Variants in MTSS1 observed in about 807,000 individuals in gnomAD.
The protein encoded by MTSS1 is MTSS I-BAR domain containing 1, also known as protein MTSS 1.
MTSS1 carries 18 observed loss-of-function variants against 79.0 expected under a neutral mutation model. That is an observed-to-expected ratio of 0.23 (90% CI 0.16 to 0.34). MTSS1 has a LOEUF of 0.34. MTSS1 is among the 10% of genes least tolerant of loss of function. The pLI, the probability that MTSS1 is intolerant of heterozygous loss-of-function variation, is 1.00. For synonymous variants in MTSS1, 341 were observed against 368.6 expected (o/e 0.93, Z 0.86); for missense variants, 815 against 986.2 (o/e 0.83, Z 2.33).
At chr8:124,572,882 G>C (rs1828129935) in intron 6 of MTSS1, among the ~76,000 whole-genome samples, 1 of 134,800 alleles carries the variant, frequency 7.4e-6, no homozygotes. Flanking sequence ...AAGTAGCTGG[G>C]ATTACAGGCA....
rs567758062 is a variant in MTSS1 at position 124,716,164 on chromosome 8, C to T, written c.72+11720G>A. On this transcript the variant is annotated intron_variant, in intron 1 of 13. Coordinates refer to ENST00000518547, the MANE Select transcript of MTSS1 (RefSeq NM_014751.6). ...GATGTGGAACTGCAGATCCCAAAGCCCCAAGGGCAGCATACTCGAGATATA... is the reference window on the plus strand; with the variant it reads ...GATGTGGAACTGCAGATCCCAAAGCTCCAAGGGCAGCATACTCGAGATATA... Among the ~76,000 whole-genome samples the T allele has an allele frequency of 1.4e-3, 202 of 145,162 alleles. 1 individual carries two copies. The highest frequency in any genetic ancestry group is 2.4e-3 in the Admixed American group (36 of 14,906).
At chr8:124,606,352 T>G (rs902824848) in intron 3 of MTSS1, among the ~76,000 whole-genome samples, 1 of 152,028 alleles carries the variant, frequency 6.6e-6, no homozygotes, top group Non-Finnish European at 1.5e-5. Context: ...TTTCACCGTG[T>G]TGGCCAGGCT....
intron 3 of MTSS1, among the ~76,000 whole-genome samples, chr8:124,661,764 T>C (rs1024522125): frequency 3.9e-5 from 6 of 152,290 alleles, no homozygotes; most frequent in Non-Finnish European, 8.8e-5. Flanking sequence ...TTCCCCTCTT[T>C]CCCACAACTC....
At chr8:124,678,413 G>A (rs556159732) in intron 3 of MTSS1, among the ~76,000 whole-genome samples, 14 of 152,262 alleles carry the variant, frequency 9.2e-5, no homozygotes, top group African/African-American at 3.4e-4. Flanking sequence ...AGAAATACCC[G>A]AGACTGGGTA....
chr8:124,627,895 G>C (rs916135643), intron 3 of MTSS1, among the ~76,000 whole-genome samples: 1 of 152,204 alleles, frequency 6.6e-6, no homozygotes, highest in Non-Finnish European at 1.5e-5. Context: ...GACTGGTCGC[G>C]GTGGCTCACG....
rs748461204 is a variant in MTSS1, at chr8:124,556,338, C to T, written c.1298G>A (p.Arg433Gln). 45 of 1,614,084 alleles carry T rather than the reference C, an allele frequency of 2.8e-5. No individual in the cohort carries two copies. Among genetic ancestry groups the T allele is most frequent in the African/African-American group, 6.7e-5 (5 of 74,952 alleles). Reference sequence around the variant, plus strand: ...TCCTCCCCCGTTGGGGTCCGGTTCTCGCTTCTCTTTGCGGCGCTGCAGGGT... The same window carrying T: ...TCCTCCCCCGTTGGGGTCCGGTTCTTGCTTCTCTTTGCGGCGCTGCAGGGT... ...VNTLQRRKEK[R>Q]EPDPNGGGPT... Residue 433 changes from arginine to glutamine, a missense_variant, in exon 12 of 14, where the codon CGA (arginine) becomes CAA (glutamine). Arg to Gln is a conservative substitution (Grantham distance 43, BLOSUM62 1). Transcript: ENST00000518547.
intron 3 of MTSS1, among the ~76,000 whole-genome samples, chr8:124,654,720 G>A (rs1000639204): frequency 7.9e-5 from 12 of 152,274 alleles, no homozygotes; most frequent in Middle Eastern, 3.4e-3. Flanking sequence ...AAGGGAGGGT[G>A]TAACTCACAT....
intron 3 of MTSS1, among the ~76,000 whole-genome samples, chr8:124,645,835 G>C (rs1365749780): frequency 6.6e-6 from 1 of 152,078 alleles, no homozygotes; most frequent in African/African-American, 2.4e-5. Flanking sequence ...CCCTCGCCCA[G>C]CTTCCTCGGC....
intron 3 of MTSS1, among the ~76,000 whole-genome samples, chr8:124,692,638 G>A (rs1828139008): frequency 6.6e-6 from 1 of 152,152 alleles, no homozygotes; most frequent in South Asian, 2.1e-4. Context: ...CCATGAAGCA[G>A]GGTGAGTGCC....
Position 124,660,431 on chromosome 8 carries a change from T to C in MTSS1, c.208+39095A>G, listed in dbSNP as rs866835145. Among the ~76,000 whole-genome samples the C allele has an allele frequency of 7.5e-3, 536 of 71,674 alleles. 3 individuals are homozygous for C. Among genetic ancestry groups the C allele is most frequent in the African/African-American group, 0.027 (503 of 18,634 alleles). 47.0% of individuals were successfully genotyped at this position (71,674 alleles called of 152,430 possible). ...GTATTTAGAAAGTTGCCCATGCGCATGCACACACACACACACACACACACA... is the reference window on the plus strand; with the variant it reads ...GTATTTAGAAAGTTGCCCATGCGCACGCACACACACACACACACACACACA... On this transcript the variant is annotated intron_variant, in intron 3 of 13. Coordinates refer to ENST00000518547, the MANE Select transcript of MTSS1 (RefSeq NM_014751.6).
At chr8:124,641,559 T>C (rs1818057314) in intron 3 of MTSS1, among the ~76,000 whole-genome samples, 2 of 152,210 alleles carry the variant, frequency 1.3e-5, no homozygotes, top group South Asian at 4.1e-4. Flanking sequence ...AAACGGGCTC[T>C]TTACCTGATT....
rs78968065 is a variant in MTSS1, at chr8:124,667,995, G to A, written c.208+31531C>T. Among the ~76,000 whole-genome samples, 810 of 152,084 alleles carry A rather than the reference G, an allele frequency of 5.3e-3. 9 individuals are homozygous for A. The highest frequency in any genetic ancestry group is 0.018 in the African/African-American group (751 of 41,468). On this transcript the variant is annotated intron_variant, in intron 3 of 13. Transcript: ENST00000518547. ...AGGGGTCTGGGGGACCACTGAGGTG[G>A]GAAGATCACCTGAGTTCAGAGGGTC...
At chr8:124,677,537 T>A (rs1825506303) in intron 3 of MTSS1, among the ~76,000 whole-genome samples, 1 of 152,218 alleles carries the variant, frequency 6.6e-6, no homozygotes, top group Non-Finnish European at 1.5e-5. Flanking sequence ...AAAACATTAC[T>A]GTTTTCATTT....
chr8:124,582,002 C>T lies in MTSS1; in HGVS notation c.460+3085G>A, dbSNP rs532977640. ...GTTCAGAGCCTGGGGTTACTGGGTC[C>T]GCTCCACACCATCTCCCCAGCATCC... On this transcript the variant is annotated intron_variant, in intron 6 of 13. Coordinates refer to ENST00000518547, the MANE Select transcript of MTSS1 (RefSeq NM_014751.6). This position sits in a 1 kb window ranked among gnomAD's most constrained non-coding sequence, Gnocchi z 4.8. 2.4e-3 allele frequency among the ~76,000 whole-genome samples: 363 copies of T among 152,104 alleles called. 2 individuals are homozygous for T. The highest frequency in any genetic ancestry group is 3.9e-3 in the Non-Finnish European group (262 of 68,014).
chr8:124,709,112 GA>G (rs1334375629), intron 1 of MTSS1, among the ~76,000 whole-genome samples: 1 of 152,138 alleles, frequency 6.6e-6, no homozygotes, highest in African/African-American at 2.4e-5. Context: ...AAGGTAACTA[GA>G]AAGATTGAAA....
At chr8:124,571,116 C>G (rs1345308891) in intron 6 of MTSS1, among the ~76,000 whole-genome samples, 4 of 152,194 alleles carry the variant, frequency 2.6e-5, no homozygotes, top group Non-Finnish European at 5.9e-5. Context: ...AATCTGGCCA[C>G]CTGAGCCACT....
At chr8:124,602,269 G>A (rs765708354) in intron 3 of MTSS1, among the ~76,000 whole-genome samples, 3 of 144,512 alleles carry the variant, frequency 2.1e-5, no homozygotes, top group African/African-American at 5.4e-5. Context: ...GTGTGATCAC[G>A]GCTCACTGCA....
chr8:124,699,903 T>G (rs1829455512), intron 2 of MTSS1, among the ~76,000 whole-genome samples: 1 of 152,068 alleles, frequency 6.6e-6, no homozygotes, highest in South Asian at 2.1e-4. Flanking sequence ...TCCTGGCACT[T>G]TGGGAGGCTG....
At chr8:124,718,682 A>T (rs892974493) in intron 1 of MTSS1, among the ~76,000 whole-genome samples, 1 of 152,202 alleles carries the variant, frequency 6.6e-6, no homozygotes, top group African/African-American at 2.4e-5. Flanking sequence ...GAGCTCTCCC[A>T]GCCTCCTTCT....
Sources: gnomAD v4.1 joint callset for allele counts (sites outside exome capture counted in the v4.1 genomes callset) on GRCh38, gnomAD v4.1.1 for gene constraint, Gnocchi (gnomAD v3.1) non-coding constraint, MANE v1.5 for transcripts, NCBI Gene and HGNC (gene_info 2026-07-23, HGNC 2026-07-21) for gene names.